FREM1: variants seen among roughly 807,000 people sequenced by gnomAD.
FREM1 encodes the protein FRAS1-related extracellular matrix protein 1.
A neutral mutation model predicts 210.1 loss-of-function variants in FREM1; 220 were observed. That is an observed-to-expected ratio of 1.05 (90% confidence interval 0.94 to 1.17). The LOEUF is 1.17. FREM1 is among the 50% of genes most tolerant of loss of function. FREM1 has a pLI of 0.00. For synonymous variants in FREM1, 1,189 were observed against 980.2 expected (o/e 1.21, Z -3.98); for missense variants, 3,454 against 2,675.5 (o/e 1.29, Z -6.42).
intron 36 of FREM1, 40 bp downstream of exon 36, chr9:14,740,109 T>C (rs376508246): frequency 3.6e-5 from 49 of 1,354,674 alleles, no homozygotes; most frequent in Non-Finnish European, 4.4e-5. Flanking sequence ...TTCATGTCCT[T>C]GCCTCCCTCC....
intron 35 of FREM1, among the ~76,000 whole-genome samples, chr9:14,745,382 C>T (rs767203663): frequency 2.5e-4 from 38 of 152,206 alleles, no homozygotes; most frequent in Non-Finnish European, 3.7e-4. Context: ...TAATATCTAA[C>T]GGTTTTGAGC....
At chr9:14,833,428 G>T (rs1482603407) in intron 10 of FREM1, among the ~76,000 whole-genome samples, 1 of 152,200 alleles carries the variant, frequency 6.6e-6, no homozygotes, top group Non-Finnish European at 1.5e-5. Context: ...TGGTCGAGGA[G>T]AGCTTAGGGG....
chr9:14,741,091 C>T (rs556312960), intron 35 of FREM1, among the ~76,000 whole-genome samples: 10 of 151,884 alleles, frequency 6.6e-5, no homozygotes, highest in Non-Finnish European at 1.3e-4. Flanking sequence ...GTCAATTAAA[C>T]ATAAAATTAA....
At chr9:14,842,796 A>G in intron 8 of FREM1, 136 bp from the exon 9 acceptor site, 1 of 630,056 alleles carries the variant, frequency 1.6e-6, no homozygotes, top group Admixed American at 2.8e-5. Context: ...AAAACTACAG[A>G]TTGTTAGTGG....
intron 1 of FREM1, among the ~76,000 whole-genome samples, chr9:14,889,248 G>A (rs894768504): frequency 2.0e-5 from 3 of 152,194 alleles, no homozygotes; most frequent in Non-Finnish European, 4.4e-5. Context: ...TGATATGCAT[G>A]CTTTCTGGAA....
intron 5 of FREM1, 110 bp from the exon 6 acceptor site, chr9:14,851,717 G>C (rs906710213): frequency 2.2e-6 from 2 of 894,142 alleles, no homozygotes; most frequent in African/African-American, 3.3e-5. Context: ...GTCTAGCAGT[G>C]ACCTGAAGCC....
At chr9:14,765,399 C>A (rs1313806137) in intron 27 of FREM1, among the ~76,000 whole-genome samples, 1 of 152,190 alleles carries the variant, frequency 6.6e-6, no homozygotes, top group Non-Finnish European at 1.5e-5. Flanking sequence ...GTTACTCAGT[C>A]TCTCTGGGCC....
rs199906654 is a variant in FREM1, at chr9:14,868,944, C to T, written c.34G>A (p.Val12Met). The change falls in exon 2 of 37, where the codon GTG (valine) becomes ATG (methionine). Residue 12 changes from valine (V) to methionine (M), a missense_variant. By Grantham distance (21) the Val-to-Met change is conservative. Coordinates refer to ENST00000380880, the MANE Select transcript of FREM1 (RefSeq NM_001379081.2). Reference protein sequence around the residue: ...NSLSWGAANAVLLLLLLAWAS... With the variant: ...NSLSWGAANAMLLLLLLAWAS... ...CAGGCCAGGAGGAGCAGCAGCAGCA[C>T]GGCATTCGCAGCCCCCCAACTCAGA... 45 of 1,596,054 alleles carry T rather than the reference C, an allele frequency of 2.8e-5. No homozygotes were observed. The highest frequency in any genetic ancestry group is 3.5e-5 in the Non-Finnish European group (41 of 1,173,194).
intron 7 of FREM1, among the ~76,000 whole-genome samples, chr9:14,846,457 C>T (rs1265878671): frequency 6.6e-6 from 1 of 152,072 alleles, no homozygotes; most frequent in Non-Finnish European, 1.5e-5. Context: ...CAGCAAACCA[C>T]CATGGCACAT....
intron 1 of FREM1, among the ~76,000 whole-genome samples, chr9:14,904,409 G>C (rs1817327664): frequency 6.6e-6 from 1 of 152,172 alleles, no homozygotes; most frequent in African/African-American, 2.4e-5. Flanking sequence ...CCACAGCTTT[G>C]ATAATCAGAG....
chr9:14,778,019 A>G (rs1486070134), intron 24 of FREM1, among the ~76,000 whole-genome samples: 1 of 152,224 alleles, frequency 6.6e-6, no homozygotes, highest in Non-Finnish European at 1.5e-5. Flanking sequence ...CTATGTCCAA[A>G]AAGTTAAAAT....
chr9:14,855,478 T>C (rs1382499208), intron 5 of FREM1, among the ~76,000 whole-genome samples: 2 of 152,154 alleles, frequency 1.3e-5, no homozygotes, highest in African/African-American at 2.4e-5. Flanking sequence ...TTGATGAGAA[T>C]TGACTGTACA....
In FREM1 at chr9:14,807,984, A is replaced by T. The variant is rs922313174; in HGVS notation, c.3044T>A (p.Ile1015Asn). The T allele has an allele frequency of 2.5e-6, 4 of 1,613,826 alleles. No homozygotes were observed. The African/African-American group carries it at 5.3e-5, about 22-fold the overall frequency. ...CTGGTTGTCTACTGGGTATACCGTG[A>T]TGTTGAGATCATACACTGGAAAGGA... is the stretch of plus-strand genomic sequence containing the variant. ...HASFPVYDLN[I>N]TVYPVDNQPP... Residue 1015 changes from isoleucine (I) to asparagine (N), a missense_variant, in exon 17 of 37, where the codon ATC (isoleucine) becomes AAC (asparagine). Physicochemically the swap from Ile to Asn is moderately radical, Grantham distance 149 (BLOSUM62 -3). Coordinates refer to ENST00000380880, the MANE Select transcript of FREM1 (RefSeq NM_001379081.2).
At position 14,748,602 on chromosome 9, in the gene FREM1, C is replaced by T. The variant is rs200460873; in HGVS notation, c.5595G>A (p.Lys1865=). 9 of 1,613,600 alleles carry T rather than the reference C, an allele frequency of 5.6e-6. No homozygotes were observed. The East Asian group carries it at 2.0e-4, about 36-fold the overall frequency. ...AAATGCCCTTCTCCCATGTGCTGTG[C>T]TTGCTTTGGTTGGAGGAATATGAAG... ...CHPSYSSNQS[K]HSTWEKGIWH... Residue 1865 remains lysine, a synonymous_variant, in exon 31 of 37, where the codon AAG becomes AAA. Transcript: ENST00000380880.
intron 3 of FREM1, among the ~76,000 whole-genome samples, chr9:14,861,541 C>G (rs1830593449): frequency 7.7e-6 from 1 of 130,568 alleles, no homozygotes; most frequent in Non-Finnish European, 1.6e-5. Flanking sequence ...GAGTCTCACT[C>G]TGTTGCCCAG....
chr9:14,841,609 C>G lies in FREM1; in HGVS notation c.1739-20G>C. On this transcript the variant is annotated intron_variant, in intron 9 of 36. Coordinates refer to ENST00000380880, the MANE Select transcript of FREM1 (RefSeq NM_001379081.2). Reference sequence around the variant, plus strand: ...GATAGCCTATTGGGTCCATAAAACACCACATACTTTTGTACAAGCCTATCA... The same window carrying G: ...GATAGCCTATTGGGTCCATAAAACAGCACATACTTTTGTACAAGCCTATCA... 1.3e-6 allele frequency: 2 copies of G among 1,550,858 alleles called. No individual in the cohort carries two copies. The highest frequency in any genetic ancestry group is 2.5e-5 in the South Asian group (2 of 81,128).
chr9:14,741,503 T>C (rs1020777396), intron 35 of FREM1, among the ~76,000 whole-genome samples: 2 of 152,196 alleles, frequency 1.3e-5, no homozygotes, highest in African/African-American at 4.8e-5. Flanking sequence ...CATTATTGAC[T>C]CTCAGCTCCT....
At chr9:14,893,552 G>A (rs796971098) in intron 1 of FREM1, among the ~76,000 whole-genome samples, 5 of 152,300 alleles carry the variant, frequency 3.3e-5, no homozygotes, top group African/African-American at 9.6e-5. Context: ...TGTTGTGTGT[G>A]TAATATAAAA....
chr9:14,782,317 A>G (rs1849762736), intron 24 of FREM1: 1 of 965,120 alleles, frequency 1.0e-6, no homozygotes, highest in Non-Finnish European at 1.2e-6. Flanking sequence ...CAGTATTGCC[A>G]ATCGTTTCAT....
Sources: gnomAD v4.1 joint callset for allele counts (sites outside exome capture counted in the v4.1 genomes callset) on GRCh38, gnomAD v4.1.1 for gene constraint, MANE v1.5 for transcripts, NCBI Gene and HGNC (gene_info 2026-07-23, HGNC 2026-07-21) for gene names.